LGR6: variants seen among roughly 807,000 people sequenced by gnomAD.
LGR6 encodes leucine-rich repeat-containing G protein-coupled receptor 6.
Under a neutral mutation model 69.4 loss-of-function variants are expected in LGR6, and 45 were observed. The observed-to-expected ratio is 0.65, with a 90% confidence interval of 0.51 to 0.83. The LOEUF is 0.83. Ranked by LOEUF, LGR6 falls within the 40% of genes least tolerant of loss-of-function variation. The pLI is 0.00. For synonymous variants in LGR6, 538 were observed against 555.0 expected (o/e 0.97, Z 0.43); for missense variants, 1,108 against 1,246.7 (o/e 0.89, Z 1.68).
intron 1 of LGR6, among the ~76,000 whole-genome samples, chr1:202,203,387 G>T (rs1231960740): frequency 6.6e-6 from 1 of 152,152 alleles, no homozygotes. Flanking sequence ...AGCGCAGTTC[G>T]GTAGAGTGTA....
chr1:202,312,736 T>C (rs1378630769), intron 16 of LGR6, among the ~76,000 whole-genome samples: 1 of 152,240 alleles, frequency 6.6e-6, no homozygotes, highest in African/African-American at 2.4e-5. Context: ...CAGTCTGACC[T>C]GAGAAACTTG....
chr1:202,311,988 G>A (rs1050104213), intron 16 of LGR6, among the ~76,000 whole-genome samples: 4 of 152,202 alleles, frequency 2.6e-5, no homozygotes, highest in African/African-American at 7.2e-5. Flanking sequence ...AGCTGTCCCC[G>A]GGGGACATTC....
At chr1:202,250,747 A>G (rs1225018868) in intron 4 of LGR6, among the ~76,000 whole-genome samples, 1 of 152,212 alleles carries the variant, frequency 6.6e-6, no homozygotes, top group Admixed American at 6.5e-5. Flanking sequence ...TTGCTAGTAC[A>G]ATATGTGGCA....
chr1:202,228,084 A>G lies in LGR6; in HGVS notation c.356+77A>G, dbSNP rs777266598. ...GAGCAAATCAAAGTTTTAGAACCCA[A>G]GTCTTGGTTTACCACTGACTTGCTT... On this transcript the variant is annotated intron_variant, in intron 3 of 17. Coordinates refer to ENST00000367278, the MANE Select transcript of LGR6 (RefSeq NM_001017403.2). 5.1e-5 allele frequency: 53 copies of G among 1,038,024 alleles called. 1 individual carries two copies. The highest frequency in any genetic ancestry group is 4.2e-4 in the South Asian group (31 of 73,042). 64.3% of individuals were successfully genotyped at this position (1,038,024 alleles called of 1,614,324 possible).
chr1:202,206,363 G>A (rs1455330923), intron 1 of LGR6, among the ~76,000 whole-genome samples: 1 of 152,192 alleles, frequency 6.6e-6, no homozygotes, highest in Non-Finnish European at 1.5e-5. Context: ...AGTCAGAGCC[G>A]GGAACCAGAT....
intron 14 of LGR6, 147 bp downstream of exon 14, chr1:202,307,548 C>T (rs943937777): frequency 5.9e-6 from 4 of 682,812 alleles, no homozygotes; most frequent in South Asian, 3.5e-5. Context: ...TCTGACAATC[C>T]GTTTGACAGA....
In LGR6 at chr1:202,318,868, G is replaced by A. The variant is rs533565730; in HGVS notation, c.2565G>A (p.Ala855=). 1.8e-5 allele frequency: 29 copies of A among 1,613,864 alleles called. 1 individual carries two copies. Among genetic ancestry groups the A allele is most frequent in the Middle Eastern group, 3.3e-4 (2 of 6,058 alleles). ...ACTCAGGGCCCCTAGCCTATGCTGC[G>A]GCCGGGGAGCTGGAGAAGAGCTCCT... The part of the protein sequence containing the change: ...AGDSGPLAYA[A]AGELEKSSCD... Residue 855 remains alanine, a synonymous_variant, in exon 18 of 18, where the codon GCG becomes GCA. Coordinates refer to ENST00000367278, the MANE Select transcript of LGR6 (RefSeq NM_001017403.2).
At chr1:202,228,627 G>A (rs1660757959) in intron 3 of LGR6, among the ~76,000 whole-genome samples, 2 of 152,130 alleles carry the variant, frequency 1.3e-5, no homozygotes, top group African/African-American at 4.8e-5. Flanking sequence ...TTCAGAGAAA[G>A]GAAGGCTGAG....
chr1:202,205,342 CCTCCTTCAA>C (rs1558004922), intron 1 of LGR6, among the ~76,000 whole-genome samples: 42 of 2,230 alleles, frequency 0.019, 2 homozygotes, highest in Middle Eastern at 0.25. Context: ...ACCTAACACA[CCTCCTTCAA>C]ACACACACAC....
chr1:202,302,369 A>T (rs1443972347), intron 9 of LGR6, among the ~76,000 whole-genome samples: 1 of 152,084 alleles, frequency 6.6e-6, no homozygotes, highest in Non-Finnish European at 1.5e-5. Context: ...TTAATTTCAG[A>T]TTCTGGGCTC....
At chr1:202,233,181 T>C (rs965941351) in intron 3 of LGR6, among the ~76,000 whole-genome samples, 2 of 152,126 alleles carry the variant, frequency 1.3e-5, no homozygotes, top group African/African-American at 4.8e-5. Context: ...AGTGTCTGTA[T>C]TGGGAGGAGG....
intron 4 of LGR6, among the ~76,000 whole-genome samples, chr1:202,267,626 C>T (rs576502294): frequency 1.3e-5 from 2 of 152,078 alleles, no homozygotes; most frequent in Non-Finnish European, 2.9e-5. Context: ...CATAAGGTTC[C>T]TACTCCACAG....
At chr1:202,256,608 C>T (rs1663795832) in intron 4 of LGR6, among the ~76,000 whole-genome samples, 1 of 152,186 alleles carries the variant, frequency 6.6e-6, no homozygotes, top group Admixed American at 6.5e-5. Context: ...TATTTTACCT[C>T]TGTATCAGTT....
intron 10 of LGR6, 58 bp from the exon 11 acceptor site, chr1:202,304,501 G>T: frequency 7.8e-7 from 1 of 1,282,494 alleles, no homozygotes; most frequent in South Asian, 1.3e-5. Flanking sequence ...GGAGCGGGGT[G>T]GCTGGGAATG....
intron 4 of LGR6, among the ~76,000 whole-genome samples, chr1:202,262,935 C>CTTTTATTTTATTTTATTTTA (rs58749601): frequency 2.5e-4 from 37 of 146,948 alleles, no homozygotes; most frequent in African/African-American, 8.3e-4. Flanking sequence ...TGAAACTTGC[C>CTTTTATTTTATTTTATTTTA]TTTTATTTTA....
intron 5 of LGR6, among the ~76,000 whole-genome samples, chr1:202,280,061 T>C (rs1280438223): frequency 2.0e-5 from 3 of 152,258 alleles, no homozygotes; most frequent in Non-Finnish European, 4.4e-5. Context: ...TGCATCCTCT[T>C]TCTTCTGGCT....
intron 15 of LGR6, among the ~76,000 whole-genome samples, 153 bp downstream of exon 15, chr1:202,309,329 C>T (rs1234872102): frequency 6.6e-6 from 1 of 152,228 alleles, no homozygotes; most frequent in Non-Finnish European, 1.5e-5. Flanking sequence ...ACCTACAGAC[C>T]AAGAGGGGCC....
At chr1:202,300,277 C>G (rs1667486325) in intron 7 of LGR6, among the ~76,000 whole-genome samples, 1 of 152,226 alleles carries the variant, frequency 6.6e-6, no homozygotes, top group Non-Finnish European at 1.5e-5. Flanking sequence ...GTTGCTCCCA[C>G]AGGCTTCCTG....
chr1:202,297,570 A>G lies in LGR6; in HGVS notation c.779A>G (p.Gln260Arg). 1 of 1,613,668 alleles carries G rather than the reference A, an allele frequency of 6.2e-7. No homozygotes were observed. Among genetic ancestry groups the G allele is most frequent in the Non-Finnish European group, 8.5e-7 (1 of 1,179,736 alleles). The change falls in exon 7 of 18, where the codon CAG becomes CGG. Residue 260 changes from glutamine (Q) to arginine (R), a missense_variant. Gln to Arg is a conservative substitution (Grantham distance 43). Coordinates refer to ENST00000367278, the MANE Select transcript of LGR6 (RefSeq NM_001017403.2). The stretch of plus-strand genomic sequence containing the variant: ...GCCATCCGGACCCTGGGCAGACTGC[A>G]GGAACTGTAAGCGCCTCTTTTGGTT... ...PVAIRTLGRLQELGFHNNNIK... is the reference protein window; with the variant it reads ...PVAIRTLGRLRELGFHNNNIK...
Sources: allele counts gnomAD v4.1 joint callset (sites outside exome capture counted in the v4.1 genomes callset), GRCh38; gene constraint gnomAD v4.1.1; transcripts MANE v1.5; gene names NCBI Gene and HGNC (gene_info 2026-07-23, HGNC 2026-07-21).